Variants in AKAP11 observed in about 807,000 individuals in gnomAD.
AKAP11 encodes the protein A-kinase anchor protein 11.
In AKAP11, 36 loss-of-function variants were observed where a neutral mutation model predicts 146.1. The ratio of observed to expected loss-of-function variants is 0.25; its 90% CI spans 0.19 to 0.33. AKAP11 has a LOEUF of 0.33. Ranked by LOEUF, AKAP11 falls within the 10% of genes least tolerant of loss-of-function variation. The probability of loss-of-function intolerance (pLI) is 1.00; values close to 1 mark genes in which losing one functional copy is unlikely to be tolerated. For missense variants in AKAP11, 2,201 were observed against 2,197.0 expected (o/e 1.00, Z -0.04); for synonymous variants, 780 against 786.5 (o/e 0.99, Z 0.14).
rs118007506 is a variant in AKAP11 at position 42,294,698 on chromosome 13, G to A, written c.169-997G>A. Among the ~76,000 whole-genome samples the A allele has an allele frequency of 7.3e-3, 1,104 of 152,164 alleles. 10 individuals are homozygous for A. Among genetic ancestry groups the A allele is most frequent in the South Asian group, 0.013 (62 of 4,822 alleles). On this transcript the variant is annotated intron_variant, in intron 4 of 12. Transcript: ENST00000025301. ...TTACAGACATGAGCCACTGCACCTG[G>A]CCAGTATATATTCTTTGTAGAAAAA...
rs1239904915 is a variant in AKAP11, at chr13:42,300,050, G to A, written c.1304G>A (p.Arg435His). ...GNLCDAPDSP[R>H]PVKASREDSG... is the part of the protein sequence containing the mutation. ...CTGTGTGATGCTCCGGATTCTCCTCGCCCAGTGAAGGCATCAAGGGAAGAT... is the reference window on the plus strand; with the variant it reads ...CTGTGTGATGCTCCGGATTCTCCTCACCCAGTGAAGGCATCAAGGGAAGAT... The change falls in exon 8 of 13, where the codon CGC (arginine) becomes CAC (histidine). Residue 435 changes from arginine to histidine, a missense_variant. This residue lies in a region of AKAP11 where 1,867 missense variants were observed against 1,833.5 expected (regional missense o/e 1.02). Coordinates refer to ENST00000025301, the MANE Select transcript of AKAP11 (RefSeq NM_016248.4). 7 of 1,613,766 alleles carry A rather than the reference G, an allele frequency of 4.3e-6. No homozygotes were observed. In the Admixed American group the frequency reaches 5.0e-5, roughly 12 times the overall value.
intron 1 of AKAP11, among the ~76,000 whole-genome samples, chr13:42,275,319 A>G (rs117616128): frequency 1.3e-5 from 2 of 152,246 alleles, no homozygotes; most frequent in Non-Finnish European, 2.9e-5. Context: ...CTCACTGACT[A>G]TGCAACATGG....
At chr13:42,274,069 C>G (rs1046363246) in intron 1 of AKAP11, among the ~76,000 whole-genome samples, 3 of 152,182 alleles carry the variant, frequency 2.0e-5, no homozygotes. Context: ...GTCTTCATAA[C>G]CTTTTGGCAA....
chr13:42,304,328 A>G (rs184118559), intron 8 of AKAP11, among the ~76,000 whole-genome samples: 3 of 152,308 alleles, frequency 2.0e-5, no homozygotes, highest in African/African-American at 7.2e-5. Flanking sequence ...CAGGATGTGA[A>G]TTACCCCTTT....
At position 42,301,265 on chromosome 13, in the gene AKAP11, C is replaced by T. The variant is rs778530849; in HGVS notation, c.2519C>T (p.Ser840Leu). Residue 840 changes from serine (S) to leucine (L), a missense_variant, in exon 8 of 13, where the codon TCA becomes TTA. Physicochemically the swap from Ser to Leu is moderately radical, Grantham distance 145 (BLOSUM62 -2). Transcript: ENST00000025301. ...AACLRNICLP[S>L]EHNPGNQNDF... Reference sequence around the variant, plus strand: ...TGTCTCAGAAATATTTGTTTACCTTCAGAACACAATCCAGGTAATCAGAAT... The same window carrying T: ...TGTCTCAGAAATATTTGTTTACCTTTAGAACACAATCCAGGTAATCAGAAT... 6.2e-6 allele frequency: 10 copies of T among 1,613,786 alleles called. No individual in the cohort carries two copies. The highest frequency in any genetic ancestry group is 8.5e-6 in the Non-Finnish European group (10 of 1,179,930).
In AKAP11 at chr13:42,303,108, G is replaced by A. The variant is rs1260779548; in HGVS notation, c.4362G>A (p.Leu1454=). The change falls in exon 8 of 13, where the codon CTG becomes CTA. Residue 1454 remains leucine (L), a synonymous_variant. Transcript: ENST00000025301. ...CATATAGAAATGAGGTCTCCCAACT[G>A]TATAGTTTTTCAACCTCTCTGGTTC... ...LDPYRNEVSQ[L]YSFSTSLVHS... 2 of 1,613,968 alleles carry A rather than the reference G, an allele frequency of 1.2e-6. No individual in the cohort carries two copies. Among genetic ancestry groups the A allele is most frequent in the East Asian group, 2.2e-5 (1 of 44,888 alleles).
In AKAP11 at chr13:42,286,294, C is replaced by A; in HGVS notation, c.-49-6C>A. On this transcript the variant is annotated splice_polypyrimidine_tract_variant and splice_region_variant and intron_variant, in intron 2 of 12. Transcript: ENST00000025301. Reference sequence around the variant, plus strand: ...TAAATAAGTTGTTTTAATATGTTTTCTTTAGGTGTTTTGTGGATTAACTCT... The same window carrying A: ...TAAATAAGTTGTTTTAATATGTTTTATTTAGGTGTTTTGTGGATTAACTCT... 1 of 1,203,624 alleles carries A rather than the reference C, an allele frequency of 8.3e-7. No homozygotes were observed. The highest frequency in any genetic ancestry group is 1.2e-6 in the Non-Finnish European group (1 of 850,346). 74.6% of individuals were successfully genotyped at this position (1,203,624 alleles called of 1,614,324 possible).
chr13:42,288,624 G>T (rs1959183443), intron 3 of AKAP11, among the ~76,000 whole-genome samples: 1 of 152,106 alleles, frequency 6.6e-6, no homozygotes, highest in Non-Finnish European at 1.5e-5. Context: ...ATCTTTTATA[G>T]TTCACTCTGC....
At chr13:42,311,329 G>A (rs756672123) in intron 9 of AKAP11, among the ~76,000 whole-genome samples, 2 of 152,194 alleles carry the variant, frequency 1.3e-5, no homozygotes, top group African/African-American at 4.8e-5. Flanking sequence ...CTTAAGTGAA[G>A]AAATTAAGTT....
intron 1 of AKAP11, among the ~76,000 whole-genome samples, chr13:42,275,625 A>G (rs754468821): frequency 6.6e-6 from 1 of 152,218 alleles, no homozygotes; most frequent in Non-Finnish European, 1.5e-5. Flanking sequence ...ACTTGCTCTC[A>G]GCTTGGTAAT....
intron 1 of AKAP11, among the ~76,000 whole-genome samples, chr13:42,275,902 C>T (rs899786905): frequency 1.3e-5 from 2 of 152,120 alleles, no homozygotes; most frequent in African/African-American, 4.8e-5. Flanking sequence ...GGCTTCTGGT[C>T]GTGTTCAGAG....
intron 1 of AKAP11, among the ~76,000 whole-genome samples, chr13:42,277,462 A>G (rs770890341): frequency 2.9e-4 from 44 of 152,216 alleles, no homozygotes; most frequent in Non-Finnish European, 5.6e-4. Context: ...AACTAGACCC[A>G]TGTTATTCCT....
Position 42,272,237 on chromosome 13 carries a change from G to GGCGCCGACGTGCTCGCCGC in AKAP11, c.-100+11_-100+29dup, listed in dbSNP as rs1958786873. 1 of 152,598 alleles carries GGCGCCGACGTGCTCGCCGC rather than the reference G, an allele frequency of 6.6e-6. No homozygotes were observed. The highest frequency in any genetic ancestry group is 2.4e-5 in the African/African-American group (1 of 41,410). 9.5% of individuals were successfully genotyped at this position (152,598 alleles called of 1,614,324 possible). A position where few individuals can be genotyped will look rare whatever the true frequency, so the allele number is the denominator to read the frequency against. Reference sequence around the variant, plus strand: ...GAGGCTGCGGCCCCCAGGTGAGCCGGGCGCCGACGTGCTCGCCGCGGAGGC... The same window carrying GGCGCCGACGTGCTCGCCGC: ...GAGGCTGCGGCCCCCAGGTGAGCCGGGCGCCGACGTGCTCGCCGCGCGCCGACGTGCTCGCCGCGGAGGC... On this transcript the variant is annotated intron_variant, in intron 1 of 12. Transcript: ENST00000025301.
At chr13:42,282,609 T>C (rs1240203533) in intron 1 of AKAP11, among the ~76,000 whole-genome samples, 1 of 152,146 alleles carries the variant, frequency 6.6e-6, no homozygotes, top group African/African-American at 2.4e-5. Context: ...ATTGCTTTCA[T>C]TTGTTTACTT....
chr13:42,317,784 A>AT, intron 12 of AKAP11, 96 bp downstream of exon 12: 1 of 1,384,652 alleles, frequency 7.2e-7, no homozygotes, highest in East Asian at 2.4e-5. Context: ...TGATGGTTAA[A>AT]TTCTTAGGCT....
At chr13:42,312,387 G>A (rs1308704000) in intron 9 of AKAP11, among the ~76,000 whole-genome samples, 3 of 152,180 alleles carry the variant, frequency 2.0e-5, no homozygotes, top group Non-Finnish European at 4.4e-5. Context: ...CTAGACAAGT[G>A]TAATGCTTGA....
At chr13:42,278,855 G>A (rs974277389) in intron 1 of AKAP11, among the ~76,000 whole-genome samples, 1 of 151,468 alleles carries the variant, frequency 6.6e-6, no homozygotes, top group South Asian at 2.1e-4. Flanking sequence ...AATTTTCACG[G>A]CCCTTATTCA....
chr13:42,283,147 A>G (rs1022122811), intron 1 of AKAP11, among the ~76,000 whole-genome samples: 1 of 152,150 alleles, frequency 6.6e-6, no homozygotes, highest in Non-Finnish European at 1.5e-5. Context: ...ATATCATCTC[A>G]TATTGGATTC....
chr13:42,272,751 G>A (rs1324729423), intron 1 of AKAP11, among the ~76,000 whole-genome samples: 1 of 152,110 alleles, frequency 6.6e-6, no homozygotes, highest in Admixed American at 6.5e-5. Flanking sequence ...GGCGTCAAGG[G>A]GCTCCTCAGA....
Sources: allele counts gnomAD v4.1 joint callset (sites outside exome capture counted in the v4.1 genomes callset), GRCh38; gene constraint gnomAD v4.1.1; regional missense constraint gnomAD v4.1.1; transcripts MANE v1.5; gene names NCBI Gene and HGNC (gene_info 2026-07-23, HGNC 2026-07-21).